Variants in LHFPL3 observed in about 807,000 individuals in gnomAD.
LHFPL3 encodes LHFPL tetraspan subfamily member 3, also known as LHFPL tetraspan subfamily member 3 protein.
A neutral mutation model predicts 19.3 loss-of-function variants in LHFPL3; 5 were observed. The ratio of observed to expected loss-of-function variants is 0.26; its 90% CI spans 0.14 to 0.54. The LOEUF is 0.54. LHFPL3 is among the 20% of genes least tolerant of loss of function. The pLI, the probability that LHFPL3 is intolerant of heterozygous loss-of-function variation, is 0.94. For synonymous variants in LHFPL3, 133 were observed against 126.2 expected (o/e 1.05, Z -0.36); for missense variants, 249 against 307.4 (o/e 0.81, Z 1.42).
At chr7:104,447,066 C>T (rs1221574569) in intron 1 of LHFPL3, among the ~76,000 whole-genome samples, 3 of 152,166 alleles carry the variant, frequency 2.0e-5, no homozygotes, top group African/African-American at 7.2e-5. Context: ...ACATTAGGGA[C>T]AGTATTGGAA....
chr7:104,476,975 G>A (rs1410833976), intron 1 of LHFPL3, among the ~76,000 whole-genome samples: 3 of 151,968 alleles, frequency 2.0e-5, no homozygotes, highest in Admixed American at 2.0e-4. Flanking sequence ...ATCTCCATAG[G>A]ACAAAATTCT....
chr7:104,365,795 A>AT (rs1790478991), intron 1 of LHFPL3, among the ~76,000 whole-genome samples: 14 of 142,732 alleles, frequency 9.8e-5, no homozygotes, highest in Admixed American at 9.4e-4. Context: ...CTCAAAAAAA[A>AT]AAAAAAAAAA....
At chr7:104,595,288 C>A (rs1325189730) in intron 1 of LHFPL3, among the ~76,000 whole-genome samples, 1 of 152,210 alleles carries the variant, frequency 6.6e-6, no homozygotes, top group African/African-American at 2.4e-5. Context: ...TTCCTTGTAA[C>A]AATCAGGTCT....
rs762794916 is a variant in LHFPL3, at chr7:104,417,884, C to CTT, written c.445+88675_445+88676dup. 8.3e-4 allele frequency among the ~76,000 whole-genome samples: 98 copies of CTT among 117,736 alleles called. 4 individuals carry two copies. Among genetic ancestry groups the CTT allele is most frequent in the African/African-American group, 2.7e-3 (80 of 29,572 alleles). 77.2% of individuals were successfully genotyped at this position (117,736 alleles called of 152,430 possible). A position where few individuals can be genotyped will look rare whatever the true frequency, so the allele number is the denominator to read the frequency against. On this transcript the variant is annotated intron_variant, in intron 1 of 2. Transcript: ENST00000424859. Reference sequence around the variant, plus strand: ...TCTTCTTCTTCTTCTTCTTCTTCTTCTTTTTTTTTTTTTTTTGAGATGGGG... The same window carrying CTT: ...TCTTCTTCTTCTTCTTCTTCTTCTTCTTTTTTTTTTTTTTTTTTGAGATGGGG...
intron 2 of LHFPL3, among the ~76,000 whole-genome samples, chr7:104,889,039 C>T (rs1184277987): frequency 6.6e-6 from 1 of 152,038 alleles, no homozygotes; most frequent in African/African-American, 2.4e-5. Flanking sequence ...AAAGGTATAC[C>T]TATTATTTAA....
At chr7:104,400,124 A>AC (rs1791283817) in intron 1 of LHFPL3, among the ~76,000 whole-genome samples, 1 of 130,330 alleles carries the variant, frequency 7.7e-6, no homozygotes, top group African/African-American at 3.2e-5. Context: ...AAAAAAAAAA[A>AC]AAAAAAAAAA....
intron 1 of LHFPL3, among the ~76,000 whole-genome samples, chr7:104,711,199 C>T (rs1162857924): frequency 1.3e-5 from 2 of 152,178 alleles, no homozygotes; most frequent in Non-Finnish European, 2.9e-5. Context: ...AGTTGATCAT[C>T]CATGTTTTAA....
intron 2 of LHFPL3, among the ~76,000 whole-genome samples, chr7:104,905,381 A>G (rs1229318077): frequency 6.6e-6 from 1 of 152,126 alleles, no homozygotes; most frequent in Non-Finnish European, 1.5e-5. Flanking sequence ...TTGAGCATAG[A>G]GTAGAAAGGA....
At chr7:104,813,757 C>G (rs958433903) in intron 2 of LHFPL3, among the ~76,000 whole-genome samples, 1 of 152,232 alleles carries the variant, frequency 6.6e-6, no homozygotes, top group Admixed American at 6.5e-5. Context: ...GAGAAACCCA[C>G]AAGCAGCTTC....
intron 2 of LHFPL3, among the ~76,000 whole-genome samples, chr7:104,744,776 TCTTCAGTTGGC>T (rs1794008705): frequency 6.6e-6 from 1 of 152,096 alleles, no homozygotes; most frequent in Non-Finnish European, 1.5e-5. Context: ...TGAAACCCTC[TCTTCAGTTGGC>T]TTCCGGTCAC....
chr7:104,884,557 A>G (rs752017636), intron 2 of LHFPL3, among the ~76,000 whole-genome samples: 7 of 135,844 alleles, frequency 5.2e-5, no homozygotes, highest in South Asian at 2.5e-4. Context: ...TAGTCTTAGT[A>G]AGATCTTTTT....
chr7:104,738,352 T>C (rs1176169207), intron 2 of LHFPL3, among the ~76,000 whole-genome samples: 1 of 152,212 alleles, frequency 6.6e-6, no homozygotes, highest in Non-Finnish European at 1.5e-5. Context: ...GACAGGTCTC[T>C]GTCCAGTTAA....
chr7:104,589,379 T>A (rs1790655019), intron 1 of LHFPL3, among the ~76,000 whole-genome samples: 2 of 152,232 alleles, frequency 1.3e-5, no homozygotes, highest in South Asian at 4.1e-4. Flanking sequence ...TCATGTGGTT[T>A]TTGTCTTTGG....
At chr7:104,544,497 T>G (rs1295435007) in intron 1 of LHFPL3, among the ~76,000 whole-genome samples, 1 of 152,174 alleles carries the variant, frequency 6.6e-6, no homozygotes, top group Non-Finnish European at 1.5e-5. Context: ...CCCTTAGAAA[T>G]GTAACATTTT....
intron 1 of LHFPL3, among the ~76,000 whole-genome samples, chr7:104,431,910 G>C (rs928220293): frequency 5.9e-5 from 9 of 152,160 alleles, no homozygotes; most frequent in African/African-American, 2.2e-4. Flanking sequence ...CTGGAGGTTT[G>C]ACTGGGAGAG....
intron 2 of LHFPL3, among the ~76,000 whole-genome samples, chr7:104,849,823 T>C (rs1041015353): frequency 3.3e-5 from 5 of 152,238 alleles, no homozygotes; most frequent in African/African-American, 4.8e-5. Context: ...ATGGGGGCCT[T>C]ATGGCCCATA....
intron 1 of LHFPL3, among the ~76,000 whole-genome samples, chr7:104,547,875 G>C (rs898605230): frequency 4.6e-5 from 7 of 152,234 alleles, no homozygotes; most frequent in Non-Finnish European, 1.5e-5. Flanking sequence ...AAGGTAATAT[G>C]ATGACCAGCT....
intron 1 of LHFPL3, among the ~76,000 whole-genome samples, chr7:104,343,987 A>C (rs953761969): frequency 6.6e-6 from 1 of 152,194 alleles, no homozygotes; most frequent in East Asian, 1.9e-4. Flanking sequence ...AATGACATAT[A>C]CTATAGATTT....
At chr7:104,568,281 T>C (rs1033341815) in intron 1 of LHFPL3, among the ~76,000 whole-genome samples, 2 of 152,254 alleles carry the variant, frequency 1.3e-5, no homozygotes, top group African/African-American at 2.4e-5. Flanking sequence ...GTTAAGCTTC[T>C]AATGCTATGT....
Sources: gnomAD v4.1 joint callset for allele counts (sites outside exome capture counted in the v4.1 genomes callset) on GRCh38, gnomAD v4.1.1 for gene constraint, MANE v1.5 for transcripts, NCBI Gene and HGNC (gene_info 2026-07-23, HGNC 2026-07-21) for gene names.